The following PTCD3 variants were observed in gnomAD, a reference collection of about 807,000 sequenced individuals.
PTCD3 encodes pentatricopeptide repeat domain 3.
Under a neutral mutation model 101.9 loss-of-function variants are expected in PTCD3, and 89 were observed. That is an observed-to-expected ratio of 0.87 (90% CI 0.74 to 1.04). The LOEUF (loss-of-function observed/expected upper bound fraction) is 1.04. Among genes scored for constraint, PTCD3 ranks in the 50% least tolerant of loss-of-function variants. The probability of loss-of-function intolerance (pLI) is 0.00; values close to 1 mark genes in which losing one functional copy is unlikely to be tolerated. For synonymous variants in PTCD3, 296 were observed against 278.5 expected (o/e 1.06, Z -0.63); for missense variants, 870 against 828.2 (o/e 1.05, Z -0.62).
chr2:86,127,734 C>T, intron 13 of PTCD3: 1 of 566,132 alleles, frequency 1.8e-6, no homozygotes, highest in Non-Finnish European at 3.1e-6. Flanking sequence ...AGTATTTGGA[C>T]TTTCAAAAAG....
At position 86,121,562 on chromosome 2, in the gene PTCD3, C is replaced by T; in HGVS notation, c.622C>T (p.His208Tyr). 1 of 1,609,926 alleles carries T rather than the reference C, an allele frequency of 6.2e-7. No homozygotes were observed. The highest frequency in any genetic ancestry group is 2.2e-5 in the East Asian group (1 of 44,794). Reference protein sequence around the residue: ...YGDQEPSTDYHFQQTGQSEAL... With the variant: ...YGDQEPSTDYYFQQTGQSEAL... ...TGACCAGGAGCCCTCAACTGATTACCATTTTCAACAAACTGGACAGTCAGA... is the reference window on the plus strand; with the variant it reads ...TGACCAGGAGCCCTCAACTGATTACTATTTTCAACAAACTGGACAGTCAGA... Residue 208 changes from histidine to tyrosine, a missense_variant, in exon 8 of 24, where the codon CAT becomes TAT. Coordinates refer to ENST00000254630, the MANE Select transcript of PTCD3 (RefSeq NM_017952.6).
At chr2:86,121,443 T>G (rs1185354919) in intron 7 of PTCD3, 36 bp from the exon 8 acceptor site, 1 of 1,346,978 alleles carries the variant, frequency 7.4e-7, no homozygotes, top group Admixed American at 2.1e-5. Context: ...CTTCATTGTT[T>G]CAAGGTTTCT....
rs748198617 is a variant in PTCD3 at position 86,106,303 on chromosome 2, C to A, written c.56C>A (p.Pro19Gln). 3.1e-6 allele frequency: 5 copies of A among 1,614,044 alleles called. No individual in the cohort carries two copies. The highest frequency in any genetic ancestry group is 2.2e-5 in the South Asian group (2 of 91,056). ...GGCCTCCGCAGCAGGCTTGGCCAGC[C>A]GCTGACGGGTCGGCGGGCGGGTTTG... The part of the protein sequence containing the change: ...WLGLRSRLGQ[P>Q]LTGRRAGLCE... The change falls in exon 1 of 24, where the codon CCG becomes CAG. Residue 19 changes from proline (P) to glutamine (Q), a missense_variant. Transcript: ENST00000254630.
chr2:86,124,115 T>C (rs552509910), intron 9 of PTCD3, among the ~76,000 whole-genome samples: 1 of 152,324 alleles, frequency 6.6e-6, no homozygotes, highest in African/African-American at 2.4e-5. Context: ...TTACTAAAAA[T>C]ATCATGGACA....
intron 3 of PTCD3, 60 bp from the exon 4 acceptor site, chr2:86,111,053 T>G: frequency 4.1e-6 from 6 of 1,452,232 alleles, no homozygotes; most frequent in Non-Finnish European, 5.8e-6. Context: ...TAGAATCACT[T>G]GTTCGGTTTG....
intron 4 of PTCD3, among the ~76,000 whole-genome samples, chr2:86,114,477 A>G (rs1399214313): frequency 6.6e-6 from 1 of 152,090 alleles, no homozygotes; most frequent in Non-Finnish European, 1.5e-5. Context: ...TTTAGTAGAG[A>G]CGGAGTTTCA....
At chr2:86,111,564 G>A (rs1480694821) in intron 4 of PTCD3, among the ~76,000 whole-genome samples, 4 of 151,804 alleles carry the variant, frequency 2.6e-5, no homozygotes, top group African/African-American at 9.7e-5. Flanking sequence ...CTCCAGCCTG[G>A]GCGAAAGAGC....
chr2:86,124,980 C>T lies in PTCD3; in HGVS notation c.717-15C>T, dbSNP rs772651167. 3 of 1,612,646 alleles carry T rather than the reference C, an allele frequency of 1.9e-6. No homozygotes were observed. The South Asian group carries it at 3.3e-5, about 18-fold the overall frequency. ...TTCTTATTGCCTGGGTTCACATTTACTCTCTTGTGTCTAGAGCAAAAAACA... is the reference window on the plus strand; with the variant it reads ...TTCTTATTGCCTGGGTTCACATTTATTCTCTTGTGTCTAGAGCAAAAAACA... On this transcript the variant is annotated splice_polypyrimidine_tract_variant and intron_variant, in intron 9 of 23. Coordinates refer to ENST00000254630, the MANE Select transcript of PTCD3 (RefSeq NM_017952.6).
chr2:86,136,780 C>A, intron 22 of PTCD3: 1 of 805,908 alleles, frequency 1.2e-6, no homozygotes, highest in Non-Finnish European at 2.0e-6. Context: ...ATCATGAAGT[C>A]ATACTGAATG....
intron 14 of PTCD3, among the ~76,000 whole-genome samples, chr2:86,128,460 C>T (rs1052678561): frequency 1.3e-5 from 2 of 152,096 alleles, no homozygotes; most frequent in African/African-American, 2.4e-5. Flanking sequence ...TGCTATTTAA[C>T]ACCATAGCCA....
At chr2:86,106,725 T>C (rs1673959179) in intron 1 of PTCD3, among the ~76,000 whole-genome samples, 1 of 152,214 alleles carries the variant, frequency 6.6e-6, no homozygotes, top group Non-Finnish European at 1.5e-5. Context: ...GTACAAGATC[T>C]TCCCAAATAA....
Position 86,120,908 on chromosome 2 carries a change from T to C in PTCD3, c.539-571T>C, listed in dbSNP as rs115345048. Among the ~76,000 whole-genome samples, 974 of 152,254 alleles carry C rather than the reference T, an allele frequency of 6.4e-3. 10 individuals are homozygous for C. The highest frequency in any genetic ancestry group is 0.022 in the African/African-American group (921 of 41,552). ...CCCTATCTCAAAACAAAAAGATACA[T>C]TTACTTTTCTTATAAGATAGCAGAT... On this transcript the variant is annotated intron_variant, in intron 7 of 23. Coordinates refer to ENST00000254630, the MANE Select transcript of PTCD3 (RefSeq NM_017952.6).
intron 12 of PTCD3, among the ~76,000 whole-genome samples, chr2:86,126,185 G>A (rs939722600): frequency 2.1e-5 from 3 of 143,356 alleles, no homozygotes; most frequent in East Asian, 2.1e-4. Context: ...AGCAGAGATC[G>A]CACCACTGCA....
At chr2:86,127,652 T>C (rs1374790026) in intron 13 of PTCD3, 4 of 472,626 alleles carry the variant, frequency 8.5e-6, no homozygotes, top group Non-Finnish European at 1.5e-5. Flanking sequence ...TTAATTACTT[T>C]ATTGAAAGTT....
intron 14 of PTCD3, 25 bp downstream of exon 14, chr2:86,128,016 AATTT>A: frequency 6.5e-7 from 1 of 1,548,866 alleles, no homozygotes; most frequent in Non-Finnish European, 8.9e-7. Flanking sequence ...AAATTGTGTT[AATTT>A]ATATAGAAAA....
chr2:86,127,991 GGTAT>G lies in PTCD3; in HGVS notation c.1147+6_1147+9del. 1 of 1,600,164 alleles carries G rather than the reference GGTAT, an allele frequency of 6.2e-7. No homozygotes were observed. The highest frequency in any genetic ancestry group is 8.6e-7 in the Non-Finnish European group (1 of 1,167,626). On this transcript the variant is annotated splice_donor_variant and splice_donor_region_variant and intron_variant, in intron 14 of 23. Coordinates refer to ENST00000254630, the MANE Select transcript of PTCD3 (RefSeq NM_017952.6). LOFTEE classifies it high-confidence loss of function. The stretch of plus-strand genomic sequence containing the variant: ...TATTATTCGCCTGTTTGATCAACCT[GGTAT>G]GTATGGCCTTAAATTGTGTTAATTT...
At chr2:86,112,878 G>A (rs1674115879) in intron 4 of PTCD3, among the ~76,000 whole-genome samples, 2 of 152,014 alleles carry the variant, frequency 1.3e-5, no homozygotes, top group African/African-American at 2.4e-5. Context: ...CCCTGGAAGG[G>A]CTTGTTGAAA....
At chr2:86,121,250 T>C (rs1172862623) in intron 7 of PTCD3, among the ~76,000 whole-genome samples, 1 of 152,188 alleles carries the variant, frequency 6.6e-6, no homozygotes, top group African/African-American at 2.4e-5. Context: ...CCAAACTTCA[T>C]CTTGTGTTCC....
intron 7 of PTCD3, 77 bp downstream of exon 7, chr2:86,119,121 G>T: frequency 6.5e-7 from 1 of 1,548,192 alleles, no homozygotes; most frequent in South Asian, 1.2e-5. Flanking sequence ...CATATATTTT[G>T]AGTAAGAGTT....
Sources: allele counts gnomAD v4.1 joint callset (sites outside exome capture counted in the v4.1 genomes callset), GRCh38; gene constraint gnomAD v4.1.1; transcripts MANE v1.5; gene names NCBI Gene and HGNC (gene_info 2026-07-23, HGNC 2026-07-21).